PLEKHA8: variants seen among roughly 807,000 people sequenced by gnomAD.
The protein encoded by PLEKHA8 is pleckstrin homology domain containing A8.
In PLEKHA8, 36 loss-of-function variants were observed where a neutral mutation model predicts 68.2. That is an observed-to-expected ratio of 0.53 (90% CI 0.40 to 0.70). The LOEUF is 0.70. PLEKHA8 is among the 30% of genes least tolerant of loss of function. The pLI is 0.00. For missense variants in PLEKHA8, 505 were observed against 615.4 expected, an observed-to-expected ratio of 0.82 and a Z score of 1.90; for synonymous variants, 211 against 216.1, an observed-to-expected ratio of 0.98 and a Z score of 0.20.
intron 1 of PLEKHA8, among the ~76,000 whole-genome samples, chr7:30,044,375 T>G (rs186707901): frequency 3.9e-4 from 59 of 152,290 alleles, no homozygotes; most frequent in African/African-American, 1.3e-3. Flanking sequence ...AATGAGTGGT[T>G]TGACTAGAAC....
chr7:30,128,089 G>GTTTTTTTTTTTTTTT (rs1487431952), intron 13 of PLEKHA8, among the ~76,000 whole-genome samples: 1 of 121,586 alleles, frequency 8.2e-6, no homozygotes, highest in Non-Finnish European at 1.7e-5. Context: ...GAGTTTTACT[G>GTTTTTTTTTTTTTTT]TATTTTTTTT....
chr7:30,046,806 G>C (rs990482404), intron 3 of PLEKHA8, among the ~76,000 whole-genome samples: 2 of 152,178 alleles, frequency 1.3e-5, no homozygotes, highest in African/African-American at 2.4e-5. Flanking sequence ...CCTTGGATCA[G>C]GGTGTTTTCT....
chr7:30,070,728 T>C (rs1457012439), intron 12 of PLEKHA8, among the ~76,000 whole-genome samples: 1 of 152,100 alleles, frequency 6.6e-6, no homozygotes, highest in African/African-American at 2.4e-5. Flanking sequence ...ATATTTTTAG[T>C]AGAGACAGGG....
downstream of PLEKHA8, among the ~76,000 whole-genome samples, chr7:30,087,270 T>C (rs1380013557): frequency 6.6e-6 from 1 of 152,192 alleles, no homozygotes; most frequent in African/African-American, 2.4e-5. Context: ...GTTCTGTGGT[T>C]ACTGGGGGAA....
intron 1 of PLEKHA8, among the ~76,000 whole-genome samples, chr7:30,043,228 C>T (rs562482324): frequency 1.3e-5 from 2 of 152,246 alleles, no homozygotes; most frequent in South Asian, 2.1e-4. Context: ...AACTCCTGGC[C>T]TCAAGTGATC....
At chr7:30,061,063 C>G (rs1210072825) in intron 10 of PLEKHA8, 121 bp downstream of exon 10, 5 of 884,046 alleles carry the variant, frequency 5.7e-6, no homozygotes, top group Non-Finnish European at 8.8e-6. Context: ...TTTAAGAGAG[C>G]AAGCATCTTT....
intron 1 of PLEKHA8, among the ~76,000 whole-genome samples, chr7:30,031,727 C>T (rs1406153192): frequency 6.6e-6 from 1 of 152,202 alleles, no homozygotes; most frequent in East Asian, 1.9e-4. Context: ...TTTCTGGTTA[C>T]ATCTTTATAT....
chr7:30,121,508 A>C (rs188889605), intron 13 of PLEKHA8, among the ~76,000 whole-genome samples: 44 of 152,274 alleles, frequency 2.9e-4, no homozygotes, highest in Non-Finnish European at 5.4e-4. Context: ...AGGAGCCTAT[A>C]ATCCCAGCTA....
intron 1 of PLEKHA8, among the ~76,000 whole-genome samples, chr7:30,037,952 CT>C (rs576245771): frequency 2.6e-5 from 4 of 152,228 alleles, no homozygotes; most frequent in African/African-American, 9.6e-5. Context: ...CCCCAACCCC[CT>C]CTTAAGGATT....
Position 30,098,905 on chromosome 7 carries a change from C to T in PLEKHA8, c.1362+24773C>T, listed in dbSNP as rs562722475. On this transcript the variant is annotated intron_variant, in intron 13 of 13. Transcript: ENST00000396257. ...TGCAGAAATCACCCGTCTTCTGCGT[C>T]GCTCACGCTGGGAGCTGTAGACTGG... Among the ~76,000 whole-genome samples, 900 of 152,334 alleles carry T rather than the reference C, an allele frequency of 5.9e-3. 10 individuals carry two copies. The highest frequency in any genetic ancestry group is 5.2e-3 in the Non-Finnish European group (357 of 68,038).
rs1343784834 is a variant in PLEKHA8, at chr7:30,079,913, A to G, written c.*1126A>G. On this transcript the variant is annotated 3_prime_UTR_variant, in exon 14 of 14. Transcript: ENST00000449726. The stretch of plus-strand genomic sequence containing the variant: ...ATGATATGTCCTTTTTTTTTTTTTC[A>G]AAGAGGATAAGGCTGCTATTTAAAT... 3.1e-6 allele frequency: 3 copies of G among 978,672 alleles called. No individual in the cohort carries two copies. The highest frequency in any genetic ancestry group is 3.6e-6 in the Non-Finnish European group (3 of 825,730). 60.6% of individuals were successfully genotyped at this position (978,672 alleles called of 1,614,324 possible). A position where few individuals can be genotyped will look rare whatever the true frequency, so the allele number is the denominator to read the frequency against.
chr7:30,118,098 C>G lies in PLEKHA8; in HGVS notation c.1363-11168C>G. The stretch of plus-strand genomic sequence containing the variant: ...ATCACATCTGGGTGACGCCTCTCTC[C>G]AGGGGATCAGCCTGGACTAAATGCC... On this transcript the variant is annotated intron_variant, in intron 13 of 13. Transcript: ENST00000396257. 4 of 1,348,696 alleles carry G rather than the reference C, an allele frequency of 3.0e-6. No homozygotes were observed. The South Asian group carries it at 6.4e-5, about 22-fold the overall frequency. 83.5% of individuals were successfully genotyped at this position (1,348,696 alleles called of 1,614,324 possible).
At position 30,082,607 on chromosome 7, in the gene PLEKHA8, T is replaced by C; in HGVS notation, c.*3820T>C. 5 of 985,210 alleles carry C rather than the reference T, an allele frequency of 5.1e-6. No individual in the cohort carries two copies. Among genetic ancestry groups the C allele is most frequent in the Middle Eastern group, 5.2e-4 (1 of 1,914 alleles). 61.0% of individuals were successfully genotyped at this position (985,210 alleles called of 1,614,324 possible). ...CCTTTTGGTTATTACTTTCCAAATA[T>C]ATTAACAAAAAGTTGATGCTTTTAA... On this transcript the variant is annotated 3_prime_UTR_variant, in exon 14 of 14. Transcript: ENST00000449726.
rs1794796227 is a variant in PLEKHA8, at chr7:30,079,154, A to G, written c.*367A>G. The stretch of plus-strand genomic sequence containing the variant: ...CAAGCTGAAAATCAGCAAATTCCAT[A>G]TTAAGTACCATAATTCATAGCCAGT... On this transcript the variant is annotated 3_prime_UTR_variant, in exon 14 of 14. Coordinates refer to ENST00000449726, the MANE Select transcript of PLEKHA8 (RefSeq NM_001197026.2). 33 of 1,016,492 alleles carry G rather than the reference A, an allele frequency of 3.2e-5. No homozygotes were observed. The South Asian group carries it at 1.2e-3, about 38-fold the overall frequency. The allele number at this position is 1,016,492 out of a possible 1,614,324, so 63.0% of individuals were successfully genotyped here.
rs1199109718 is a variant in PLEKHA8, at chr7:30,083,431, G to A, written c.*4644G>A. ...AATTCCATAAATATACTGTTTACTA[G>A]ACCTTCCCTGTAAATGTTCCCAATT... On this transcript the variant is annotated 3_prime_UTR_variant, in exon 14 of 14. Coordinates refer to ENST00000449726, the MANE Select transcript of PLEKHA8 (RefSeq NM_001197026.2). 7 of 984,920 alleles carry A rather than the reference G, an allele frequency of 7.1e-6. No homozygotes were observed. 61.0% of individuals were successfully genotyped at this position (984,920 alleles called of 1,614,324 possible).
intron 13 of PLEKHA8, among the ~76,000 whole-genome samples, chr7:30,126,933 T>C (rs1335184397): frequency 6.6e-6 from 1 of 152,222 alleles, no homozygotes; most frequent in Non-Finnish European, 1.5e-5. Flanking sequence ...GAGATTCGGG[T>C]GGGGACACAG....
At chr7:30,033,437 T>G (rs1018870029) in intron 1 of PLEKHA8, among the ~76,000 whole-genome samples, 1 of 152,206 alleles carries the variant, frequency 6.6e-6, no homozygotes, top group African/African-American at 2.4e-5. Flanking sequence ...AGCATAATGT[T>G]TTTTTTGGAT....
intron 9 of PLEKHA8, among the ~76,000 whole-genome samples, chr7:30,058,677 T>C (rs1268472370): frequency 6.6e-6 from 1 of 152,192 alleles, no homozygotes; most frequent in Non-Finnish European, 1.5e-5. Context: ...AATCAGATAA[T>C]GTAAGTCTCT....
At chr7:30,073,563 T>TAAAAAAAAAAAAAAAAAAA (rs35738941) in intron 12 of PLEKHA8, among the ~76,000 whole-genome samples, 4 of 111,764 alleles carry the variant, frequency 3.6e-5, no homozygotes, top group African/African-American at 1.4e-4. Context: ...TTGTGTTTCT[T>TAAAAAAAAAAAAAAAAAAA]AAAAAAAAAA....
Sources: allele counts gnomAD v4.1 joint callset (sites outside exome capture counted in the v4.1 genomes callset), GRCh38; gene constraint gnomAD v4.1.1; transcripts MANE v1.5; gene names NCBI Gene and HGNC (gene_info 2026-07-23, HGNC 2026-07-21).